The following LRRC9 variants were observed in gnomAD, a reference collection of about 807,000 sequenced individuals.
LRRC9 encodes the protein leucine-rich repeat-containing protein 9.
Under a neutral mutation model 63.2 loss-of-function variants are expected in LRRC9, and 122 were observed. The ratio of observed to expected loss-of-function variants is 1.93; its 90% CI spans 1.67 to 2.24. LRRC9 has a LOEUF of 2.24. Ranked by LOEUF, LRRC9 falls within the 30% of genes most tolerant of loss-of-function variation. The pLI, the probability that LRRC9 is intolerant of heterozygous loss-of-function variation, is 0.00. For missense variants in LRRC9, 1,071 were observed against 627.7 expected (o/e 1.71, Z -7.55); for synonymous variants, 366 against 213.1 (o/e 1.72, Z -6.25).
chr14:59,949,182 T>A lies in LRRC9; in HGVS notation c.882+4438T>A, dbSNP rs1301803912. 3.3e-5 allele frequency among the ~76,000 whole-genome samples: 5 copies of A among 150,030 alleles called. 1 individual carries two copies. Among genetic ancestry groups the A allele is most frequent in the Admixed American group, 3.3e-4 (5 of 15,032 alleles). On this transcript the variant is annotated intron_variant, in intron 8 of 31. Coordinates refer to ENST00000445360, the Ensembl canonical transcript of LRRC9. ...TAAACTATTGATTATTGCCACAATT[T>A]CAGCTCCTGTTATTGGTCTATTCAG...
At chr14:59,925,243 A>G (rs1245516438) in intron 1 of LRRC9, among the ~76,000 whole-genome samples, 2 of 152,168 alleles carry the variant, frequency 1.3e-5, no homozygotes, top group African/African-American at 4.8e-5. Flanking sequence ...CTGCTATAAT[A>G]AAATACCTGA....
chr14:59,961,068 A>G (rs1478000504), intron 10 of LRRC9, 23 bp downstream of exon 10: 2 of 608,894 alleles, frequency 3.3e-6, no homozygotes, highest in Non-Finnish European at 5.9e-6. Flanking sequence ...GAAATTTAGT[A>G]TAGCTTTAAA....
intron 7 of LRRC9, among the ~76,000 whole-genome samples, chr14:59,943,614 T>G (rs986585051): frequency 6.6e-6 from 1 of 152,140 alleles, no homozygotes; most frequent in African/African-American, 2.4e-5. Context: ...TTTTCTTAAC[T>G]GTTCTTTGTT....
intron 29 of LRRC9, among the ~76,000 whole-genome samples, chr14:60,037,822 T>TA (rs1481032821): frequency 2.0e-5 from 3 of 152,254 alleles, no homozygotes; most frequent in Non-Finnish European, 4.4e-5. Context: ...GTTGGTGTTT[T>TA]AGTCATGAAG....
intron 6 of LRRC9, among the ~76,000 whole-genome samples, chr14:59,935,895 G>C (rs2051595817): frequency 6.6e-6 from 1 of 152,180 alleles, no homozygotes; most frequent in Non-Finnish European, 1.5e-5. Context: ...ATTAGTTCAG[G>C]GTTCTGGGAA....
intron 27 of LRRC9, among the ~76,000 whole-genome samples, chr14:60,024,792 C>T (rs184402373): frequency 1.7e-3 from 257 of 151,984 alleles, no homozygotes; most frequent in Middle Eastern, 0.01. Context: ...AATATAGTAT[C>T]CAATAGGTAA....
chr14:59,923,128 G>A lies in LRRC9; in HGVS notation c.-34+3245G>A, dbSNP rs1888922348. On this transcript the variant is annotated intron_variant, in intron 1 of 31. Transcript: ENST00000445360. This position sits in a 1 kb window ranked among gnomAD's most constrained non-coding sequence, Gnocchi z 4.2. ...GGACATTCACCTCTTGATGAATTCA[G>A]TAACTTCATCTGGAACCCTTGAGTC... is the stretch of plus-strand genomic sequence containing the variant. Among the ~76,000 whole-genome samples, 1 of 152,184 alleles carries A rather than the reference G, an allele frequency of 6.6e-6. No individual in the cohort carries two copies. The highest frequency in any genetic ancestry group is 2.1e-4 in the South Asian group (1 of 4,824).
intron 30 of LRRC9, among the ~76,000 whole-genome samples, chr14:60,055,846 C>G (rs1018948346): frequency 6.6e-6 from 1 of 150,954 alleles, no homozygotes; most frequent in Non-Finnish European, 1.5e-5. Context: ...TGGTGGCTGC[C>G]GTGAGCCAAG....
At chr14:60,055,631 G>A (rs1894214015) in intron 30 of LRRC9, among the ~76,000 whole-genome samples, 5 of 151,746 alleles carry the variant, frequency 3.3e-5, no homozygotes, top group Admixed American at 3.3e-4. Flanking sequence ...GGCGGCTTAT[G>A]CCTATAATCC....
rs1887478344 is a variant in LRRC9, at chr14:59,986,414, G to A, written c.2211+1190G>A. On this transcript the variant is annotated intron_variant, in intron 17 of 31. Coordinates refer to ENST00000445360, the Ensembl canonical transcript of LRRC9. This position sits in a 1 kb window ranked among gnomAD's most constrained non-coding sequence, Gnocchi z 4.7. ...TTCTTCTACCATTGTAATGGGAGCTGTTTCTTTTACTTATTGGCATTAGGT... is the reference window on the plus strand; with the variant it reads ...TTCTTCTACCATTGTAATGGGAGCTATTTCTTTTACTTATTGGCATTAGGT... Among the ~76,000 whole-genome samples, 2 of 152,164 alleles carry A rather than the reference G, an allele frequency of 1.3e-5. No homozygotes were observed. The highest frequency in any genetic ancestry group is 3.9e-4 in the East Asian group (2 of 5,176).
intron 19 of LRRC9, among the ~76,000 whole-genome samples, chr14:60,001,049 G>T (rs144548410): frequency 6.6e-6 from 1 of 152,196 alleles, no homozygotes; most frequent in African/African-American, 2.4e-5. Context: ...ATTTTTGCCA[G>T]TTTTATAGAT....
chr14:60,040,149 T>C (rs1892821321), intron 29 of LRRC9, among the ~76,000 whole-genome samples: 1 of 151,994 alleles, frequency 6.6e-6, no homozygotes, highest in African/African-American at 2.4e-5. Context: ...TTCTGTTCTT[T>C]TATATTTGCT....
At chr14:59,946,823 A>G (rs1882477750) in intron 8 of LRRC9, among the ~76,000 whole-genome samples, 1 of 142,208 alleles carries the variant, frequency 7.0e-6, no homozygotes, top group Non-Finnish European at 1.5e-5. Flanking sequence ...ATGTCCCTAC[A>G]AAGGACATGA....
chr14:59,967,213 G>T (rs1185093236), exon 12 of LRRC9: 1 of 593,650 alleles, frequency 1.7e-6, no homozygotes, highest in South Asian at 2.0e-5. Context: ...AAACAAGCAA[G>T]GTAGCATAAA....
intron 12 of LRRC9, among the ~76,000 whole-genome samples, chr14:59,970,062 A>T (rs1885307147): frequency 6.6e-6 from 1 of 152,180 alleles, no homozygotes; most frequent in South Asian, 2.1e-4. Context: ...TTTGTCACCC[A>T]GGTATTAAGC....
chr14:59,941,068 C>CAA (rs200156203), intron 7 of LRRC9, among the ~76,000 whole-genome samples: 3 of 140,622 alleles, frequency 2.1e-5, no homozygotes, highest in East Asian at 4.1e-4. Flanking sequence ...CAAACAAGGA[C>CAA]AAAAAAAAAA....
intron 1 of LRRC9, among the ~76,000 whole-genome samples, chr14:59,926,438 C>G (rs953530991): frequency 6.6e-6 from 1 of 152,074 alleles, no homozygotes; most frequent in Non-Finnish European, 1.5e-5. Context: ...TAAAAATGAG[C>G]ATATAAATGC....
intron 19 of LRRC9, 109 bp downstream of exon 19, chr14:59,999,335 T>TA (rs1425249861): frequency 4.1e-6 from 2 of 489,694 alleles, no homozygotes; most frequent in East Asian, 6.3e-5. Context: ...AGCCTATTAA[T>TA]AAAAAATTAA....
intron 29 of LRRC9, among the ~76,000 whole-genome samples, chr14:60,048,861 C>G (rs1433243572): frequency 6.6e-6 from 1 of 152,206 alleles, no homozygotes; most frequent in Non-Finnish European, 1.5e-5. Flanking sequence ...GCCACTATCT[C>G]TGATGACTGT....
Sources: gnomAD v4.1 joint callset for allele counts (sites outside exome capture counted in the v4.1 genomes callset) on GRCh38, gnomAD v4.1.1 for gene constraint, Gnocchi (gnomAD v3.1) non-coding constraint, MANE v1.5 for transcripts, NCBI Gene and HGNC (gene_info 2026-07-23, HGNC 2026-07-21) for gene names.